Variants in ZBTB20 observed in about 807,000 individuals in gnomAD.
The protein encoded by ZBTB20 is zinc finger and BTB domain-containing protein 20.
In ZBTB20, 9 loss-of-function variants were observed where a neutral mutation model predicts 56.9. The ratio of observed to expected loss-of-function variants is 0.16; its 90% CI spans 0.10 to 0.28. The LOEUF is 0.28. Ranked by LOEUF, ZBTB20 falls within the 10% of genes least tolerant of loss-of-function variation. The pLI is 1.00. For missense variants in ZBTB20, 655 were observed against 1,003.0 expected (o/e 0.65, Z 4.69); for synonymous variants, 417 against 420.7 (o/e 0.99, Z 0.11).
In ZBTB20 at chr3:114,883,916, CTTTT is replaced by C. The variant is rs869141975; in HGVS notation, c.-417+16384_-417+16387del. On this transcript the variant is annotated intron_variant, in intron 4 of 11. Coordinates refer to ENST00000675478, the MANE Select transcript of ZBTB20 (RefSeq NM_001348800.3). ...GTATAACTGGTAAGAATGGTGTGTT[CTTTT>C]TTTTTTTTTTTTTTTTTTTTTTTGA... Among the ~76,000 whole-genome samples, 287 of 89,820 alleles carry C rather than the reference CTTTT, an allele frequency of 3.2e-3. 55 individuals are homozygous for C. Among genetic ancestry groups the C allele is most frequent in the African/African-American group, 0.011 (271 of 25,070 alleles). 58.9% of individuals were successfully genotyped at this position (89,820 alleles called of 152,430 possible).
intron 5 of ZBTB20, among the ~76,000 whole-genome samples, chr3:114,780,293 T>A (rs1465113717): frequency 6.6e-6 from 1 of 152,172 alleles, no homozygotes; most frequent in East Asian, 1.9e-4. Context: ...TTTAAGTTTT[T>A]CATTAAGACA....
chr3:114,712,739 G>T (rs1356889768), intron 5 of ZBTB20, among the ~76,000 whole-genome samples: 9 of 151,260 alleles, frequency 6.0e-5, no homozygotes, highest in Admixed American at 5.9e-4. Flanking sequence ...GTTTGTTCAC[G>T]AAATCAAAGC....
chr3:115,138,934 T>C (rs979014670), intron 1 of ZBTB20, among the ~76,000 whole-genome samples: 1 of 151,886 alleles, frequency 6.6e-6, no homozygotes, highest in African/African-American at 2.4e-5. Context: ...ATATGTATAC[T>C]GGGTTTCAGT....
At chr3:114,974,993 G>A (rs2078038697) in intron 2 of ZBTB20, among the ~76,000 whole-genome samples, 1 of 152,144 alleles carries the variant, frequency 6.6e-6, no homozygotes, top group African/African-American at 2.4e-5. Context: ...AGTACCTAAG[G>A]CATTGACATT....
chr3:114,988,715 C>T (rs2078665397), intron 2 of ZBTB20, among the ~76,000 whole-genome samples: 1 of 152,248 alleles, frequency 6.6e-6, no homozygotes, highest in South Asian at 2.1e-4. Flanking sequence ...ACAGTCCCAC[C>T]AACAGTGTAA....
In ZBTB20 at chr3:114,532,885, T is replaced by G. The variant is rs1213941746; in HGVS notation, c.-294-32494A>C. 2.0e-5 allele frequency among the ~76,000 whole-genome samples: 3 copies of G among 152,124 alleles called. No homozygotes were observed. In the East Asian group the frequency reaches 5.8e-4, roughly 29 times the overall value. ...GATGTCCAGCAAACTCCAGCAGACC[T>G]GCAGCAGAGATGCCAGACTGTTAGA... is the stretch of plus-strand genomic sequence containing the variant. On this transcript the variant is annotated intron_variant, in intron 6 of 11. Coordinates refer to ENST00000675478, the MANE Select transcript of ZBTB20 (RefSeq NM_001348800.3).
intron 6 of ZBTB20, among the ~76,000 whole-genome samples, chr3:114,507,364 G>C (rs1400216910): frequency 1.3e-5 from 2 of 152,054 alleles, no homozygotes; most frequent in Admixed American, 1.3e-4. Context: ...TGCCACTCAG[G>C]TATAGAAAGA....
At chr3:114,656,918 T>C (rs1415896250) in intron 6 of ZBTB20, among the ~76,000 whole-genome samples, 3 of 152,202 alleles carry the variant, frequency 2.0e-5, no homozygotes, top group African/African-American at 4.8e-5. Context: ...TGGTGGATTA[T>C]AGGCGTGAGC....
chr3:114,887,438 A>T (rs999207093), intron 4 of ZBTB20, among the ~76,000 whole-genome samples: 32 of 152,164 alleles, frequency 2.1e-4, no homozygotes, highest in African/African-American at 7.7e-4. Flanking sequence ...GCAACTAATT[A>T]AGAACCATGA....
Position 114,544,475 on chromosome 3 carries a change from T to G in ZBTB20, c.-294-44084A>C, listed in dbSNP as rs576994037. On this transcript the variant is annotated intron_variant, in intron 6 of 11. Transcript: ENST00000675478. ...TTTCTTTCTTTCTTTCTTTCTTTCTTTCTTTTTCTTTCACTTTCTTTCTTT... is the reference window on the plus strand; with the variant it reads ...TTTCTTTCTTTCTTTCTTTCTTTCTGTCTTTTTCTTTCACTTTCTTTCTTT... 6.8e-5 allele frequency among the ~76,000 whole-genome samples: 9 copies of G among 132,972 alleles called. No homozygotes were observed. In the East Asian group the frequency reaches 1.9e-3, roughly 29 times the overall value. 87.2% of individuals were successfully genotyped at this position (132,972 alleles called of 152,430 possible). A position where few individuals can be genotyped will look rare whatever the true frequency, so the allele number is the denominator to read the frequency against.
intron 6 of ZBTB20, among the ~76,000 whole-genome samples, chr3:114,534,951 A>T (rs2048296042): frequency 6.6e-6 from 1 of 152,234 alleles, no homozygotes; most frequent in Admixed American, 6.5e-5. Flanking sequence ...ATGAGAACAA[A>T]GACATAATGT....
chr3:114,886,604 T>C (rs1022733414), intron 4 of ZBTB20, among the ~76,000 whole-genome samples: 1 of 152,218 alleles, frequency 6.6e-6, no homozygotes, highest in African/African-American at 2.4e-5. Flanking sequence ...CACACATGGA[T>C]TGACAGAAAA....
chr3:114,599,184 A>G (rs771261442), intron 6 of ZBTB20: 1 of 152,104 alleles, frequency 6.6e-6, no homozygotes. Flanking sequence ...ATGGCATTTC[A>G]TGATGGAAGC....
intron 6 of ZBTB20, among the ~76,000 whole-genome samples, chr3:114,596,055 T>C (rs1158239074): frequency 6.6e-6 from 1 of 152,202 alleles, no homozygotes; most frequent in Non-Finnish European, 1.5e-5. Flanking sequence ...AACAACCTTA[T>C]CTCTCCAACA....
At chr3:114,890,513 A>G (rs1217679108) in intron 4 of ZBTB20, among the ~76,000 whole-genome samples, 1 of 152,144 alleles carries the variant, frequency 6.6e-6, no homozygotes, top group Non-Finnish European at 1.5e-5. Flanking sequence ...AGAAAACCAA[A>G]TACCGCATGT....
intron 2 of ZBTB20, among the ~76,000 whole-genome samples, chr3:114,984,933 C>T (rs145246638): frequency 2.6e-5 from 4 of 152,042 alleles, no homozygotes; most frequent in South Asian, 2.1e-4. Context: ...CTTTTGAACA[C>T]GCTTTTCTAC....
At chr3:114,544,500 TTCTTTCTTTC>T (rs1559938574) in intron 6 of ZBTB20, among the ~76,000 whole-genome samples, 1 of 147,508 alleles carries the variant, frequency 6.8e-6, no homozygotes, top group African/African-American at 2.5e-5. Flanking sequence ...TTTCTTTCTT[TTCTTTCTTTC>T]TTTTTTTTTT....
At chr3:114,865,468 TAG>T (rs2075727980) in intron 4 of ZBTB20, among the ~76,000 whole-genome samples, 1 of 152,092 alleles carries the variant, frequency 6.6e-6, no homozygotes, top group Admixed American at 6.6e-5. Context: ...ACGGGCAAGA[TAG>T]AGTCACAAAA....
At chr3:114,883,248 G>A (rs1049639382) in intron 4 of ZBTB20, among the ~76,000 whole-genome samples, 4 of 152,126 alleles carry the variant, frequency 2.6e-5, no homozygotes, top group African/African-American at 4.8e-5. Flanking sequence ...ATGTCTTTAT[G>A]ACAAAAACAA....
Sources: gnomAD v4.1 joint callset for allele counts (sites outside exome capture counted in the v4.1 genomes callset) on GRCh38, gnomAD v4.1.1 for gene constraint, MANE v1.5 for transcripts, NCBI Gene and HGNC (gene_info 2026-07-23, HGNC 2026-07-21) for gene names.